The following VPS13A variants were observed in gnomAD, a reference collection of about 807,000 sequenced individuals.
The protein encoded by VPS13A is vacuolar protein sorting 13 homolog A.
In VPS13A, 264 loss-of-function variants were observed where a neutral mutation model predicts 390.9. The observed-to-expected ratio is 0.68, with a 90% CI of 0.61 to 0.75. The LOEUF (loss-of-function observed/expected upper bound fraction) is 0.75, where lower values mean the gene tolerates loss of function less well. Ranked by LOEUF, VPS13A falls within the 30% of genes least tolerant of loss-of-function variation. VPS13A has a pLI of 0.00. For missense variants in VPS13A, 3,409 were observed against 3,733.9 expected (o/e 0.91, Z 2.27); for synonymous variants, 1,231 against 1,227.1 (o/e 1.00, Z -0.07).
chr9:77,177,892 C>G, intron 1 of VPS13A, 88 bp downstream of exon 1: 2 of 1,247,362 alleles, frequency 1.6e-6, no homozygotes, highest in Non-Finnish European at 2.3e-6. Flanking sequence ...CTCGGGGCTT[C>G]GAGCACCTTG....
chr9:77,177,743 G>T lies in VPS13A; in HGVS notation c.39G>T (p.Arg13=). The T allele has an allele frequency of 1.9e-6, 3 of 1,613,716 alleles. No individual in the cohort carries two copies. The highest frequency in any genetic ancestry group is 2.5e-6 in the Non-Finnish European group (3 of 1,179,718). The change falls in exon 1 of 72, where the codon CGG becomes CGT. Residue 13 remains arginine (R), a synonymous_variant. Coordinates refer to ENST00000360280, the MANE Select transcript of VPS13A (RefSeq NM_033305.3). ...FESVVVDVLN[R]FLGDYVVDLD... ...CGGTGGTCGTGGACGTGTTGAACCG[G>T]TTCTTGGGGGACTATGTGGTGGACT...
chr9:77,207,252 T>TATATATATATACGTATATATATATATAA lies in VPS13A; in HGVS notation c.385+1174_385+1175insTATATATATACGTATATATATATATAAA. Among the ~76,000 whole-genome samples, 36 of 87,240 alleles carry TATATATATATACGTATATATATATATAA rather than the reference T, an allele frequency of 4.1e-4. 1 individual carries two copies. Among genetic ancestry groups the TATATATATATACGTATATATATATATAA allele is most frequent in the Admixed American group, 2.4e-3 (17 of 7,130 alleles). The allele number at this position is 87,240 out of a possible 152,430, so 57.2% of individuals were successfully genotyped here. ...ATATATATATATATATATATATATA[T>TATATATATATACGTATATATATATATAA]AAAACGTGTTATATGTAACATAACA... On this transcript the variant is annotated intron_variant, in intron 5 of 71. Transcript: ENST00000360280.
chr9:77,377,034 A>C (rs898690926), intron 67 of VPS13A, among the ~76,000 whole-genome samples: 1 of 152,144 alleles, frequency 6.6e-6, no homozygotes, highest in Non-Finnish European at 1.5e-5. Context: ...CTGTAGTTCA[A>C]TTTGGGGAGT....
At chr9:77,357,126 C>A (rs554684569) in intron 55 of VPS13A, among the ~76,000 whole-genome samples, 1 of 151,826 alleles carries the variant, frequency 6.6e-6, no homozygotes, top group African/African-American at 2.4e-5. Context: ...TCGAGACCAG[C>A]CTGGCCAACA....
At chr9:77,288,511 ACTTT>A (rs760213415) in intron 31 of VPS13A, among the ~76,000 whole-genome samples, 27 of 152,046 alleles carry the variant, frequency 1.8e-4, no homozygotes, top group Non-Finnish European at 1.5e-4. Flanking sequence ...TTCTCTTCTG[ACTTT>A]CTTTTACCCA....
At chr9:77,204,068 A>G (rs1432671911) in intron 3 of VPS13A, among the ~76,000 whole-genome samples, 1 of 152,132 alleles carries the variant, frequency 6.6e-6, no homozygotes, top group Non-Finnish European at 1.5e-5. Context: ...TTTTTCTCTG[A>G]AGTGATATTA....
chr9:77,349,933 C>T lies in VPS13A; in HGVS notation c.7290-1384C>T, dbSNP rs757641656. ...TGCTGGGATTACAGGCATGAACCAC[C>T]GCGCCCAGCCCAGTTTATCTTCTAA... On this transcript the variant is annotated intron_variant, in intron 52 of 71. Transcript: ENST00000360280. Among the ~76,000 whole-genome samples, 7 of 152,180 alleles carry T rather than the reference C, an allele frequency of 4.6e-5. No homozygotes were observed. The East Asian group carries it at 5.8e-4, about 13-fold the overall frequency.
intron 1 of VPS13A, among the ~76,000 whole-genome samples, chr9:77,185,185 A>G (rs1016292074): frequency 3.3e-5 from 5 of 151,164 alleles, no homozygotes; most frequent in African/African-American, 1.2e-4. Flanking sequence ...CTCTGTCGCC[A>G]GGCTGGAGTG....
chr9:77,220,438 A>G (rs752223352), intron 12 of VPS13A, 55 bp downstream of exon 12: 3 of 1,200,494 alleles, frequency 2.5e-6, no homozygotes, highest in Non-Finnish European at 3.6e-6. Flanking sequence ...ACATAAAAAT[A>G]AATTTCTCGA....
chr9:77,367,139 T>A (rs1832478243), intron 61 of VPS13A, among the ~76,000 whole-genome samples: 1 of 152,130 alleles, frequency 6.6e-6, no homozygotes. Context: ...TCTTTCTGGC[T>A]TAGGGAAGGA....
intron 68 of VPS13A, among the ~76,000 whole-genome samples, chr9:77,399,900 C>T (rs907623618): frequency 1.3e-5 from 2 of 152,080 alleles, no homozygotes; most frequent in African/African-American, 4.8e-5. Flanking sequence ...ACTTTTCATT[C>T]TATACATTCT....
At chr9:77,302,368 C>CTTTT (rs58598132) in intron 33 of VPS13A, among the ~76,000 whole-genome samples, 45 of 117,788 alleles carry the variant, frequency 3.8e-4, no homozygotes, top group African/African-American at 5.2e-4. Context: ...TATTTTTCCC[C>CTTTT]TTTTTTTTTT....
At chr9:77,349,963 G>A (rs1027688249) in intron 52 of VPS13A, among the ~76,000 whole-genome samples, 3 of 152,012 alleles carry the variant, frequency 2.0e-5, no homozygotes, top group African/African-American at 4.8e-5. Context: ...TTCTAATAAC[G>A]ATCCTCAACC....
chr9:77,329,203 G>C (rs1051435353), intron 45 of VPS13A, among the ~76,000 whole-genome samples: 1 of 152,166 alleles, frequency 6.6e-6, no homozygotes, highest in Non-Finnish European at 1.5e-5. Context: ...CAGACCACTA[G>C]AGTATTCTTC....
At chr9:77,356,358 G>A (rs1195533165) in intron 54 of VPS13A, among the ~76,000 whole-genome samples, 3 of 151,908 alleles carry the variant, frequency 2.0e-5, no homozygotes, top group Admixed American at 6.6e-5. Context: ...GCAGTTCTCC[G>A]GATCCCCCTT....
intron 19 of VPS13A, 34 bp from the exon 20 acceptor site, chr9:77,247,225 A>G (rs943717290): frequency 6.7e-7 from 1 of 1,498,150 alleles, no homozygotes; most frequent in Non-Finnish European, 9.1e-7. Flanking sequence ...TAATTTGTGA[A>G]AAGTATTCAT....
chr9:77,177,577 A>C lies in VPS13A; in HGVS notation c.-128A>C. The C allele has an allele frequency of 1.2e-6, 1 of 825,682 alleles. No homozygotes were observed. The highest frequency in any genetic ancestry group is 2.0e-6 in the Non-Finnish European group (1 of 503,300). The allele number at this position is 825,682 out of a possible 1,614,324, so 51.1% of individuals were successfully genotyped here. A position where few individuals can be genotyped will look rare whatever the true frequency, so the allele number is the denominator to read the frequency against. On this transcript the variant is annotated 5_prime_UTR_variant, in exon 1 of 72. Coordinates refer to ENST00000360280, the MANE Select transcript of VPS13A (RefSeq NM_033305.3). ...GCTCGCTAGGGCTGCGCGTTGGGCC[A>C]GCGGGGGCGCCGCAGCTGAAGCCGC...
At chr9:77,302,005 T>A (rs545996263) in intron 33 of VPS13A, among the ~76,000 whole-genome samples, 2 of 151,966 alleles carry the variant, frequency 1.3e-5, no homozygotes, top group Non-Finnish European at 2.9e-5. Context: ...TTGCCCAGGC[T>A]GGAGAGCAAT....
chr9:77,350,043 A>T (rs7043253), intron 52 of VPS13A, among the ~76,000 whole-genome samples: 25,272 of 152,108 alleles, frequency 0.17, 2,259 homozygotes, highest in Middle Eastern at 0.25. Flanking sequence ...TTGTCTTCTA[A>T]TGATTTTTTG....
Sources: gnomAD v4.1 joint callset for allele counts (sites outside exome capture counted in the v4.1 genomes callset) on GRCh38, gnomAD v4.1.1 for gene constraint, MANE v1.5 for transcripts, NCBI Gene and HGNC (gene_info 2026-07-23, HGNC 2026-07-21) for gene names.